GPC5: variants seen among roughly 807,000 people sequenced by gnomAD.
GPC5 encodes glypican 5.
In GPC5, 47 loss-of-function variants were observed where a neutral mutation model predicts 53.9. That is an observed-to-expected ratio of 0.87 (90% CI 0.69 to 1.11). The LOEUF (loss-of-function observed/expected upper bound fraction) is 1.11. Ranked by LOEUF, GPC5 falls within the 50% of genes most tolerant of loss-of-function variation. GPC5 has a pLI of 0.00. For missense variants in GPC5, 748 were observed against 713.1 expected, an observed-to-expected ratio of 1.05 and a Z score of -0.56; for synonymous variants, 286 against 263.3, an observed-to-expected ratio of 1.09 and a Z score of -0.84.
intron 7 of GPC5, among the ~76,000 whole-genome samples, chr13:92,520,475 A>G (rs953695396): frequency 8.5e-5 from 13 of 152,184 alleles, no homozygotes; most frequent in Admixed American, 3.9e-4. Context: ...CTGCTTCAAC[A>G]TACACAAATC....
rs564854088 is a variant in GPC5, at chr13:92,082,807, T to A, written c.1402-62023T>A. On this transcript the variant is annotated intron_variant, in intron 6 of 7. Transcript: ENST00000377067. ...TATACTACCAGGTTATTTTACATAT[T>A]TTATATCATTGAATGTCAGAATTAA... Among the ~76,000 whole-genome samples, 4 of 152,318 alleles carry A rather than the reference T, an allele frequency of 2.6e-5. No homozygotes were observed. In the South Asian group the frequency reaches 8.3e-4, roughly 32 times the overall value.
intron 1 of GPC5, among the ~76,000 whole-genome samples, chr13:91,415,277 C>T (rs964675354): frequency 6.6e-6 from 1 of 152,154 alleles, no homozygotes; most frequent in African/African-American, 2.4e-5. Flanking sequence ...CCAACAAGTT[C>T]AGTGTTCTTC....
intron 7 of GPC5, among the ~76,000 whole-genome samples, chr13:92,249,670 T>A (rs2042678286): frequency 6.6e-6 from 1 of 152,042 alleles, no homozygotes; most frequent in South Asian, 2.1e-4. Context: ...CTCAATGGTT[T>A]AGTATATTTG....
At chr13:92,558,530 T>C (rs1882579413) in intron 7 of GPC5, among the ~76,000 whole-genome samples, 1 of 151,964 alleles carries the variant, frequency 6.6e-6, no homozygotes, top group African/African-American at 2.4e-5. Flanking sequence ...AAGGTAGTTT[T>C]CTCAGTTAGG....
At chr13:92,524,977 T>C (rs563211881) in intron 7 of GPC5, among the ~76,000 whole-genome samples, 211 of 152,066 alleles carry the variant, frequency 1.4e-3, no homozygotes, top group Admixed American at 4.7e-3. Context: ...TCTAAGTGTA[T>C]TGAAAAATAA....
intron 7 of GPC5, among the ~76,000 whole-genome samples, chr13:92,343,469 T>C (rs2043384262): frequency 6.6e-6 from 1 of 152,202 alleles, no homozygotes; most frequent in African/African-American, 2.4e-5. Flanking sequence ...GGTATATTAC[T>C]ATTTTATTTT....
intron 6 of GPC5, among the ~76,000 whole-genome samples, chr13:91,911,652 C>T (rs1343364566): frequency 6.6e-6 from 1 of 151,902 alleles, no homozygotes; most frequent in Non-Finnish European, 1.5e-5. Flanking sequence ...AAAAATGGAC[C>T]CTGCATGCAA....
At chr13:92,670,140 C>A (rs1933186) in intron 7 of GPC5, among the ~76,000 whole-genome samples, 33,637 of 152,034 alleles carry the variant, frequency 0.22, 4,387 homozygotes, top group South Asian at 0.36. Flanking sequence ...GAATTAATGG[C>A]TGTTGTACGC....
intron 7 of GPC5, among the ~76,000 whole-genome samples, chr13:92,307,926 A>G (rs1018579983): frequency 5.3e-5 from 8 of 152,198 alleles, no homozygotes; most frequent in African/African-American, 1.9e-4. Context: ...TAATACACCT[A>G]AGTGTATGCC....
intron 7 of GPC5, among the ~76,000 whole-genome samples, chr13:92,476,656 A>T (rs1022334428): frequency 6.7e-5 from 10 of 149,174 alleles, no homozygotes; most frequent in Admixed American, 3.3e-4. Context: ...AATGTCCAAC[A>T]ATGATAGACT....
At chr13:91,530,748 T>C (rs1437114850) in intron 2 of GPC5, among the ~76,000 whole-genome samples, 1 of 152,238 alleles carries the variant, frequency 6.6e-6, no homozygotes, top group Admixed American at 6.5e-5. Context: ...GGGAGCGAGA[T>C]ATTGGAATAT....
intron 7 of GPC5, chr13:92,180,615 A>AG (rs2042139754): frequency 6.4e-6 from 1 of 156,672 alleles, no homozygotes; most frequent in African/African-American, 2.4e-5. Context: ...CACTGAACAC[A>AG]GTAATGAAAA....
chr13:92,038,635 C>G (rs1488908315), intron 6 of GPC5, among the ~76,000 whole-genome samples: 1 of 150,906 alleles, frequency 6.6e-6, no homozygotes, highest in Non-Finnish European at 1.5e-5. Flanking sequence ...ATGAATATTT[C>G]TCCCTCAATG....
At position 92,497,892 on chromosome 13, in the gene GPC5, T is replaced by C. The variant is rs150168809; in HGVS notation, c.1561+352903T>C. Among the ~76,000 whole-genome samples the C allele has an allele frequency of 2.0e-3, 304 of 152,180 alleles. 11 individuals carry two copies. The East Asian group carries it at 0.055, about 27-fold the overall frequency. On this transcript the variant is annotated intron_variant, in intron 7 of 7. Transcript: ENST00000377067. ...GTTCATTCATGATTTGTCTCTCTGCTTGTCTATTCTTGGTATATAGGAATG... is the reference window on the plus strand; with the variant it reads ...GTTCATTCATGATTTGTCTCTCTGCCTGTCTATTCTTGGTATATAGGAATG...
chr13:91,482,746 A>G (rs551017138), intron 2 of GPC5, among the ~76,000 whole-genome samples: 1 of 152,326 alleles, frequency 6.6e-6, no homozygotes, highest in African/African-American at 2.4e-5. Flanking sequence ...GATCTTATCA[A>G]CATGGCATCT....
At chr13:92,248,227 C>A (rs768695415) in intron 7 of GPC5, among the ~76,000 whole-genome samples, 2 of 151,744 alleles carry the variant, frequency 1.3e-5, no homozygotes, top group Non-Finnish European at 2.9e-5. Context: ...AGATTTTTAG[C>A]CCCATAGGCT....
chr13:92,118,760 G>A (rs1372472645), intron 6 of GPC5, among the ~76,000 whole-genome samples: 3 of 152,148 alleles, frequency 2.0e-5, no homozygotes, highest in African/African-American at 7.2e-5. Flanking sequence ...TGCTTTTTAT[G>A]TCCAGAGTTT....
chr13:92,250,461 T>C (rs755053187), intron 7 of GPC5, among the ~76,000 whole-genome samples: 5 of 152,112 alleles, frequency 3.3e-5, no homozygotes, highest in African/African-American at 4.8e-5. Context: ...CTTTTCACCA[T>C]GTGTTTGAGT....
chr13:91,813,006 C>A (rs2038337576), intron 5 of GPC5, among the ~76,000 whole-genome samples: 1 of 152,146 alleles, frequency 6.6e-6, no homozygotes, highest in Admixed American at 6.6e-5. Context: ...GCATTTTCTG[C>A]AGTTTAAGCC....
Sources: gnomAD v4.1 joint callset for allele counts (sites outside exome capture counted in the v4.1 genomes callset) on GRCh38, gnomAD v4.1.1 for gene constraint, MANE v1.5 for transcripts, NCBI Gene and HGNC (gene_info 2026-07-23, HGNC 2026-07-21) for gene names.